DMTN: variants seen among roughly 807,000 people sequenced by gnomAD.
DMTN encodes dematin actin binding protein.
A neutral mutation model predicts 59.4 loss-of-function variants in DMTN; 27 were observed. The ratio of observed to expected loss-of-function variants is 0.45; its 90% CI spans 0.33 to 0.63. The LOEUF (loss-of-function observed/expected upper bound fraction) is 0.63. Ranked by LOEUF, DMTN falls within the 20% of genes least tolerant of loss-of-function variation. The probability of loss-of-function intolerance (pLI) is 0.02; values close to 1 mark genes in which losing one functional copy is unlikely to be tolerated. For synonymous variants in DMTN, 221 were observed against 203.7 expected, an observed-to-expected ratio of 1.08 and a Z score of -0.72; for missense variants, 451 against 528.9, an observed-to-expected ratio of 0.85 and a Z score of 1.45.
rs1180466614 is a variant in DMTN at position 22,079,277 on chromosome 8, AATATAT to A, written c.836-884_836-879del. Among the ~76,000 whole-genome samples, 20 of 27,672 alleles carry A rather than the reference AATATAT, an allele frequency of 7.2e-4. 2 individuals are homozygous for A. The highest frequency in any genetic ancestry group is 1.8e-3 in the African/African-American group (15 of 8,286). The allele number at this position is 27,672 out of a possible 152,430, so 18.2% of individuals were successfully genotyped here. A position where few individuals can be genotyped will look rare whatever the true frequency, so the allele number is the denominator to read the frequency against. ...ATAAAAATAAATAAATAAATAAATA[AATATAT>A]ATATATATATATATATATTAGCTGG... On this transcript the variant is annotated intron_variant, in intron 10 of 15. Coordinates refer to ENST00000358242, the MANE Select transcript of DMTN (RefSeq NM_001387751.1).
At chr8:22,067,398 A>T in intron 3 of DMTN, 129 bp from the exon 4 acceptor site, 1 of 1,375,236 alleles carries the variant, frequency 7.3e-7, no homozygotes, top group Non-Finnish European at 9.8e-7. Context: ...AATTTCTTAA[A>T]ATAATAGAAT....
At chr8:22,071,876 G>A (rs144886618) in intron 8 of DMTN, among the ~76,000 whole-genome samples, 2,475 of 152,030 alleles carry the variant, frequency 0.016, 67 homozygotes, top group African/African-American at 0.057. Context: ...CCCCGCGCCC[G>A]GCCTATTTTT....
chr8:22,067,303 G>A, intron 3 of DMTN, 144 bp downstream of exon 3: 1 of 1,136,578 alleles, frequency 8.8e-7, no homozygotes, highest in Non-Finnish European at 1.2e-6. Context: ...CAGAAACCCA[G>A]AGAAGCTCCC....
At chr8:22,069,313 C>A in intron 5 of DMTN, 106 bp from the exon 6 acceptor site, 1 of 1,043,306 alleles carries the variant, frequency 9.6e-7, no homozygotes. Flanking sequence ...TGGAGGGATG[C>A]AGCCGGCCAG....
At chr8:22,078,659 C>T (rs1821536477) in intron 10 of DMTN, among the ~76,000 whole-genome samples, 2 of 151,958 alleles carry the variant, frequency 1.3e-5, no homozygotes, top group African/African-American at 4.8e-5. Flanking sequence ...ATCTGTAGTA[C>T]TTCAGAATTT....
intron 10 of DMTN, among the ~76,000 whole-genome samples, chr8:22,076,118 A>G (rs138267439): frequency 1.3e-5 from 2 of 152,182 alleles, no homozygotes; most frequent in Non-Finnish European, 2.9e-5. Flanking sequence ...ATAATAAGAG[A>G]GGCGGATTTT....
rs141839855 is a variant in DMTN, at chr8:22,077,120, C to T, written c.836-3060C>T. Among the ~76,000 whole-genome samples, 541 of 152,110 alleles carry T rather than the reference C, an allele frequency of 3.6e-3. 5 individuals carry two copies. Among genetic ancestry groups the T allele is most frequent in the Middle Eastern group, 6.8e-3 (2 of 294 alleles). Reference sequence around the variant, plus strand: ...TTTTTAAGGATAGGTGCTGAGGGGCCAGGCTGCACCATGGAGGAGCTGATA... The same window carrying T: ...TTTTTAAGGATAGGTGCTGAGGGGCTAGGCTGCACCATGGAGGAGCTGATA... On this transcript the variant is annotated intron_variant, in intron 10 of 15. Transcript: ENST00000358242.
intron 5 of DMTN, 116 bp from the exon 6 acceptor site, chr8:22,069,303 T>C: frequency 1.0e-6 from 1 of 982,844 alleles, no homozygotes; most frequent in Non-Finnish European, 1.5e-6. Context: ...GCCCTGGGTT[T>C]GGAGGGATGC....
upstream of DMTN, chr8:22,056,771 G>C (rs1029205873): frequency 6.6e-6 from 1 of 152,240 alleles, no homozygotes; most frequent in Admixed American, 6.5e-5. Flanking sequence ...AGGGCGCGGG[G>C]AGGGCGTGGG....
At chr8:22,050,634 C>T (rs1801254519), upstream of DMTN, among the ~76,000 whole-genome samples, 1 of 151,584 alleles carries the variant, frequency 6.6e-6, no homozygotes. Context: ...TGAGACCTGG[C>T]AGGGAGGGAC....
chr8:22,054,255 T>C (rs1181500382), upstream of DMTN, among the ~76,000 whole-genome samples: 3 of 152,138 alleles, frequency 2.0e-5, no homozygotes, highest in Non-Finnish European at 4.4e-5. Flanking sequence ...GCACTCTTCC[T>C]GCCCAAGGTG....
intron 10 of DMTN, among the ~76,000 whole-genome samples, chr8:22,074,717 A>AG (rs1818380586): frequency 6.6e-6 from 1 of 152,196 alleles, no homozygotes; most frequent in Non-Finnish European, 1.5e-5. Flanking sequence ...CTGGAATTAC[A>AG]GAGTACAGGG....
intron 10 of DMTN, among the ~76,000 whole-genome samples, chr8:22,078,560 C>T (rs893608064): frequency 6.6e-6 from 1 of 151,416 alleles, no homozygotes; most frequent in Non-Finnish European, 1.5e-5. Flanking sequence ...GAGGTGAAGG[C>T]ATTTTGAGAT....
intron 6 of DMTN, 111 bp from the exon 7 acceptor site, chr8:22,069,770 A>G: frequency 7.7e-7 from 1 of 1,298,126 alleles, no homozygotes; most frequent in South Asian, 1.2e-5. Flanking sequence ...TTGGCTCTTG[A>G]CAGGGGCCAG....
upstream of DMTN, chr8:22,055,667 G>A (rs1157552228): frequency 1.3e-5 from 2 of 150,424 alleles, no homozygotes; most frequent in African/African-American, 4.9e-5. Context: ...CCCCCGCCTG[G>A]CTGCAGCAGC....
At chr8:22,076,229 G>A (rs545487900) in intron 10 of DMTN, among the ~76,000 whole-genome samples, 1 of 152,250 alleles carries the variant, frequency 6.6e-6, no homozygotes, top group South Asian at 2.1e-4. Context: ...GGGAGCTTGA[G>A]GGTCTTCAGC....
chr8:22,057,487 G>A (rs574955953), intron 1 of DMTN, among the ~76,000 whole-genome samples: 3 of 152,324 alleles, frequency 2.0e-5, no homozygotes, highest in East Asian at 3.9e-4. Flanking sequence ...CCTCTCTGCT[G>A]AATACTGGCC....
At chr8:22,077,835 C>T (rs529153193) in intron 10 of DMTN, among the ~76,000 whole-genome samples, 3 of 152,208 alleles carry the variant, frequency 2.0e-5, no homozygotes, top group Admixed American at 6.5e-5. Context: ...CTGGAACACA[C>T]GTAAGCATTT....
intron 9 of DMTN, 119 bp from the exon 10 acceptor site, chr8:22,073,611 A>AC (rs1365138685): frequency 1.3e-6 from 1 of 748,266 alleles, no homozygotes; most frequent in African/African-American, 2.0e-5. Flanking sequence ...AGCCTGGGTG[A>AC]CAGAGTGAGA....
Sources: allele counts gnomAD v4.1 joint callset (sites outside exome capture counted in the v4.1 genomes callset), GRCh38; gene constraint gnomAD v4.1.1; transcripts MANE v1.5; gene names NCBI Gene and HGNC (gene_info 2026-07-23, HGNC 2026-07-21).